Variants in JARID2 observed in about 807,000 individuals in gnomAD.
JARID2 encodes the protein jumonji and AT-rich interaction domain containing 2, also known as protein Jumonji.
In JARID2, 21 loss-of-function variants were observed where a neutral mutation model predicts 125.6. The ratio of observed to expected loss-of-function variants is 0.17; its 90% confidence interval spans 0.12 to 0.24. The LOEUF is 0.24. Among genes scored for constraint, JARID2 ranks in the 10% least tolerant of loss-of-function variants. The pLI is 1.00. For synonymous variants in JARID2, 736 were observed against 661.6 expected, an observed-to-expected ratio of 1.11 and a Z score of -1.73; for missense variants, 1,303 against 1,639.6, an observed-to-expected ratio of 0.79 and a Z score of 3.55.
chr6:15,281,922 C>CTG (rs1491304835), intron 1 of JARID2, among the ~76,000 whole-genome samples: 25 of 122,222 alleles, frequency 2.0e-4, no homozygotes, highest in African/African-American at 7.4e-4. Flanking sequence ...AGGGTATGTG[C>CTG]TCTGTGTGTG....
chr6:15,270,542 A>G (rs1218421304), intron 1 of JARID2, among the ~76,000 whole-genome samples: 1 of 152,216 alleles, frequency 6.6e-6, no homozygotes, highest in Non-Finnish European at 1.5e-5. Flanking sequence ...AGGAAGGGTT[A>G]TGATTGCGAG....
At chr6:15,518,766 GCCA>G (rs1468458620) in intron 17 of JARID2, among the ~76,000 whole-genome samples, 1 of 152,202 alleles carries the variant, frequency 6.6e-6, no homozygotes, top group African/African-American at 2.4e-5. Context: ...ACAGGCGTGA[GCCA>G]CCACACCTGG....
intron 1 of JARID2, among the ~76,000 whole-genome samples, chr6:15,370,094 A>G (rs954942541): frequency 6.6e-6 from 1 of 152,200 alleles, no homozygotes; most frequent in Non-Finnish European, 1.5e-5. Context: ...GGGAACAGTG[A>G]GACTGAGCTT....
At chr6:15,516,639 G>A (rs1771575784) in intron 16 of JARID2, among the ~76,000 whole-genome samples, 1 of 152,214 alleles carries the variant, frequency 6.6e-6, no homozygotes, top group South Asian at 2.1e-4. Context: ...TCTGTTGACT[G>A]TGAGCCACTC....
intron 13 of JARID2, 65 bp from the exon 14 acceptor site, chr6:15,512,143 A>T: frequency 6.9e-7 from 1 of 1,443,510 alleles, no homozygotes; most frequent in Non-Finnish European, 9.6e-7. Flanking sequence ...CGCATACGTC[A>T]CCTGAAGACT....
chr6:15,402,249 G>A (rs944960545), intron 2 of JARID2, among the ~76,000 whole-genome samples: 4 of 152,146 alleles, frequency 2.6e-5, no homozygotes, highest in African/African-American at 7.2e-5. Flanking sequence ...GGCACTTGTC[G>A]ATCGAGTTAA....
At chr6:15,355,058 C>T (rs2127486973) in intron 1 of JARID2, among the ~76,000 whole-genome samples, 1 of 152,292 alleles carries the variant, frequency 6.6e-6, no homozygotes, top group Middle Eastern at 3.4e-3. Context: ...CCCTCCCTCC[C>T]ATTGTGTGGA....
In JARID2 at chr6:15,273,466, C is replaced by T. The variant is rs563766705; in HGVS notation, c.45+26882C>T. ...CCTGTAATCCCAGGACTTTGGGAGG[C>T]CAAGGTGGGTGGATCACCTGAGGTC... On this transcript the variant is annotated intron_variant, in intron 1 of 17. Coordinates refer to ENST00000341776, the MANE Select transcript of JARID2 (RefSeq NM_004973.4). 4.6e-5 allele frequency among the ~76,000 whole-genome samples: 7 copies of T among 152,334 alleles called. No homozygotes were observed. The South Asian group carries it at 1.4e-3, about 32-fold the overall frequency.
intron 1 of JARID2, among the ~76,000 whole-genome samples, chr6:15,357,472 T>C (rs1763641714): frequency 6.6e-6 from 1 of 152,244 alleles, no homozygotes; most frequent in African/African-American, 2.4e-5. Flanking sequence ...TTCAAACTGA[T>C]ACTCAAAATG....
intron 7 of JARID2, among the ~76,000 whole-genome samples, chr6:15,500,438 G>A (rs1372561262): frequency 6.6e-6 from 1 of 152,120 alleles, no homozygotes; most frequent in East Asian, 1.9e-4. Context: ...ATTGGGAGTT[G>A]GTAACAAGCA....
At chr6:15,433,853 C>T (rs1337527097) in intron 3 of JARID2, among the ~76,000 whole-genome samples, 1 of 151,496 alleles carries the variant, frequency 6.6e-6, no homozygotes, top group Non-Finnish European at 1.5e-5. Context: ...AATGCAATAT[C>T]CATCATACCC....
chr6:15,517,571 C>T (rs1771624445), intron 17 of JARID2, among the ~76,000 whole-genome samples: 1 of 152,236 alleles, frequency 6.6e-6, no homozygotes, highest in Non-Finnish European at 1.5e-5. Flanking sequence ...TAGACCCAGA[C>T]CCTTTTTTGT....
intron 2 of JARID2, among the ~76,000 whole-genome samples, chr6:15,385,636 C>T (rs911182279): frequency 3.3e-5 from 5 of 151,862 alleles, no homozygotes; most frequent in African/African-American, 1.2e-4. Context: ...GCTGCTTTTC[C>T]CTGTGCCTGG....
At chr6:15,336,049 C>A (rs1049136368) in intron 1 of JARID2, among the ~76,000 whole-genome samples, 1 of 151,980 alleles carries the variant, frequency 6.6e-6, no homozygotes, top group Admixed American at 6.6e-5. Flanking sequence ...TGTGCCACTG[C>A]ACTCCAGTCT....
chr6:15,325,405 G>C (rs909208694), intron 1 of JARID2, among the ~76,000 whole-genome samples: 6 of 152,054 alleles, frequency 3.9e-5, no homozygotes, highest in African/African-American at 1.5e-4. Context: ...CCAGCATATT[G>C]ATTTCCTATT....
Position 15,287,184 on chromosome 6 carries a change from C to T in JARID2, c.45+40600C>T, listed in dbSNP as rs1416749197. 2.6e-5 allele frequency among the ~76,000 whole-genome samples: 4 copies of T among 152,128 alleles called. No homozygotes were observed. The East Asian group carries it at 7.7e-4, about 29-fold the overall frequency. On this transcript the variant is annotated intron_variant, in intron 1 of 17. Coordinates refer to ENST00000341776, the MANE Select transcript of JARID2 (RefSeq NM_004973.4). ...ACAAAAAAACCCCTCTTGATCCTTT[C>T]TTTCCTTGTTCTCTAATCATAGGTT...
rs1249679998 is a variant in JARID2 at position 15,517,287 on chromosome 6, G to A, written c.3558+19G>A. The A allele has an allele frequency of 1.3e-6, 2 of 1,555,870 alleles. No individual in the cohort carries two copies. The highest frequency in any genetic ancestry group is 8.9e-7 in the Non-Finnish European group (1 of 1,127,172). The stretch of plus-strand genomic sequence containing the variant: ...CGATGAGGTCAGTCCCTGCCCGCGG[G>A]GTAGGGCAGGGCGGCAGCGTGGCGC... On this transcript the variant is annotated intron_variant, in intron 17 of 17. Coordinates refer to ENST00000341776, the MANE Select transcript of JARID2 (RefSeq NM_004973.4).
In JARID2 at chr6:15,350,830, C is replaced by T. The variant is rs140293094; in HGVS notation, c.46-23287C>T. Among the ~76,000 whole-genome samples the T allele has an allele frequency of 3.8e-4, 56 of 147,540 alleles. 2 individuals carry two copies. Among genetic ancestry groups the T allele is most frequent in the African/African-American group, 1.4e-3 (56 of 39,712 alleles). On this transcript the variant is annotated intron_variant, in intron 1 of 17. Transcript: ENST00000341776. ...GAAATATTTGGTGTGGGAGGAATGACCAAAATTTCACTTTTGATTGCAAAA... is the reference window on the plus strand; with the variant it reads ...GAAATATTTGGTGTGGGAGGAATGATCAAAATTTCACTTTTGATTGCAAAA...
At chr6:15,270,323 G>C (rs1405658982) in intron 1 of JARID2, among the ~76,000 whole-genome samples, 2 of 152,038 alleles carry the variant, frequency 1.3e-5, no homozygotes, top group East Asian at 3.9e-4. Context: ...GTAGAGACAG[G>C]GTTTCTCCAT....
Sources: gnomAD v4.1 joint callset for allele counts (sites outside exome capture counted in the v4.1 genomes callset) on GRCh38, gnomAD v4.1.1 for gene constraint, MANE v1.5 for transcripts, NCBI Gene and HGNC (gene_info 2026-07-23, HGNC 2026-07-21) for gene names.